THRB: variants seen among roughly 807,000 people sequenced by gnomAD.
THRB encodes the protein nuclear receptor subfamily 1 group A member 2.
THRB carries 12 observed loss-of-function variants against 47.8 expected under a neutral mutation model. That is an observed-to-expected ratio of 0.25 (90% CI 0.16 to 0.41). The LOEUF (loss-of-function observed/expected upper bound fraction) is 0.41, where lower values mean the gene tolerates loss of function less well. Among genes scored for constraint, THRB ranks in the 10% least tolerant of loss-of-function variants. The pLI is 1.00. For missense variants in THRB, 348 were observed against 589.2 expected (o/e 0.59, Z 4.24); for synonymous variants, 218 against 212.2 (o/e 1.03, Z -0.24).
intron 3 of THRB, among the ~76,000 whole-genome samples, chr3:24,260,393 G>A (rs1283103978): frequency 2.6e-5 from 4 of 152,062 alleles, no homozygotes; most frequent in Admixed American, 2.6e-4. Flanking sequence ...GTTGCAGGGT[G>A]GATTTTGGAC....
intron 2 of THRB, among the ~76,000 whole-genome samples, chr3:24,311,848 G>T (rs149573959): frequency 2.0e-5 from 3 of 152,136 alleles, no homozygotes; most frequent in East Asian, 3.8e-4. Flanking sequence ...TCTACAACAC[G>T]TATGTAATCT....
intron 1 of THRB, among the ~76,000 whole-genome samples, chr3:24,462,971 C>T (rs547983065): frequency 1.5e-4 from 23 of 152,314 alleles, no homozygotes; most frequent in South Asian, 6.2e-4. Flanking sequence ...AACCCCCCTC[C>T]TGTCACTGCT....
At chr3:24,340,406 C>T (rs950792802) in intron 1 of THRB, among the ~76,000 whole-genome samples, 1 of 151,846 alleles carries the variant, frequency 6.6e-6, no homozygotes, top group Non-Finnish European at 1.5e-5. Flanking sequence ...TCTTTTCTCT[C>T]TCTCTCTCTC....
chr3:24,189,632 G>C (rs2043078178), intron 5 of THRB, among the ~76,000 whole-genome samples: 1 of 152,116 alleles, frequency 6.6e-6, no homozygotes, highest in Admixed American at 6.5e-5. Flanking sequence ...TCTCATTTGA[G>C]CATGAATTGT....
At chr3:24,300,752 G>A (rs754714573) in intron 2 of THRB, among the ~76,000 whole-genome samples, 4 of 152,012 alleles carry the variant, frequency 2.6e-5, no homozygotes, top group Admixed American at 6.6e-5. Context: ...ACATATATTT[G>A]GTAGATTTGT....
chr3:24,460,009 T>C (rs940957062), intron 1 of THRB, among the ~76,000 whole-genome samples: 2 of 152,214 alleles, frequency 1.3e-5, no homozygotes, highest in African/African-American at 2.4e-5. Context: ...AAGAAATCAC[T>C]TGAAACCATA....
chr3:24,299,781 A>T (rs377257008), intron 2 of THRB, among the ~76,000 whole-genome samples: 18,030 of 36,722 alleles, frequency 0.49, 4,275 homozygotes, highest in African/African-American at 0.63. Flanking sequence ...TTATTTATTT[A>T]TTTATTTATT....
chr3:24,138,704 C>G (rs2148952068), intron 8 of THRB, among the ~76,000 whole-genome samples: 1 of 152,294 alleles, frequency 6.6e-6, no homozygotes. Flanking sequence ...TGCACTTGTA[C>G]TATGAGCTAT....
intron 1 of THRB, among the ~76,000 whole-genome samples, chr3:24,442,661 T>C (rs1480439752): frequency 6.6e-6 from 1 of 151,738 alleles, no homozygotes; most frequent in Admixed American, 6.6e-5. Context: ...CCTTCTCTAC[T>C]AAAAAATACA....
chr3:24,492,125 A>G (rs1214183943), intron 1 of THRB, among the ~76,000 whole-genome samples: 1 of 152,256 alleles, frequency 6.6e-6, no homozygotes, highest in East Asian at 1.9e-4. Flanking sequence ...GTAGTCAGGT[A>G]TTTTTGAGAA....
intron 2 of THRB, among the ~76,000 whole-genome samples, chr3:24,314,690 G>A (rs542360675): frequency 2.0e-5 from 3 of 152,150 alleles, no homozygotes; most frequent in South Asian, 2.1e-4. Context: ...TCTCCAGATC[G>A]CACATTCCCA....
chr3:24,487,423 A>T (rs1016661028), intron 1 of THRB, among the ~76,000 whole-genome samples: 1 of 152,158 alleles, frequency 6.6e-6, no homozygotes, highest in African/African-American at 2.4e-5. Flanking sequence ...TTTCTTGGAC[A>T]TTTATAATGC....
chr3:24,237,331 A>G (rs1286987411), intron 3 of THRB, among the ~76,000 whole-genome samples: 1 of 152,192 alleles, frequency 6.6e-6, no homozygotes, highest in Non-Finnish European at 1.5e-5. Context: ...GCCGTCAGGA[A>G]GGGAAATAAT....
At chr3:24,367,511 G>A (rs1193810722) in intron 1 of THRB, among the ~76,000 whole-genome samples, 1 of 152,168 alleles carries the variant, frequency 6.6e-6, no homozygotes, top group Non-Finnish European at 1.5e-5. Flanking sequence ...AGTCTAGTAA[G>A]CTAGCCTTTG....
intron 2 of THRB, among the ~76,000 whole-genome samples, chr3:24,310,509 A>C (rs895757716): frequency 3.9e-5 from 6 of 152,184 alleles, no homozygotes; most frequent in African/African-American, 1.4e-4. Flanking sequence ...GGTTCCTTAA[A>C]CATAGATTGC....
intron 8 of THRB, among the ~76,000 whole-genome samples, chr3:24,134,063 G>C (rs2034277681): frequency 6.6e-6 from 1 of 152,206 alleles, no homozygotes; most frequent in African/African-American, 2.4e-5. Flanking sequence ...CTTTAGGGCA[G>C]AGTGGTGAAT....
chr3:24,261,299 G>A (rs1163903099), intron 3 of THRB, among the ~76,000 whole-genome samples: 8 of 151,854 alleles, frequency 5.3e-5, no homozygotes, highest in African/African-American at 1.5e-4. Flanking sequence ...GCAAGAGATC[G>A]AGACCATTCT....
At chr3:24,129,970 C>G (rs562360634) in intron 9 of THRB, among the ~76,000 whole-genome samples, 18 of 152,340 alleles carry the variant, frequency 1.2e-4, no homozygotes, top group African/African-American at 4.3e-4. Flanking sequence ...TAAACTGCCT[C>G]TGGCAAGAGA....
intron 1 of THRB, among the ~76,000 whole-genome samples, chr3:24,480,151 C>T (rs976640106): frequency 6.6e-6 from 1 of 152,172 alleles, no homozygotes; most frequent in African/African-American, 2.4e-5. Context: ...TCTTTACCTC[C>T]CCCCTAAAAA....
Sources: gnomAD v4.1 joint callset for allele counts (sites outside exome capture counted in the v4.1 genomes callset) on GRCh38, gnomAD v4.1.1 for gene constraint, MANE v1.5 for transcripts, NCBI Gene and HGNC (gene_info 2026-07-23, HGNC 2026-07-21) for gene names.